TCEANC2: variants seen among roughly 807,000 people sequenced by gnomAD.
TCEANC2 encodes transcription elongation factor A N-terminal and central domain containing 2.
TCEANC2 carries 20 observed loss-of-function variants against 22.8 expected under a neutral mutation model. That is an observed-to-expected ratio of 0.88 (90% CI 0.62 to 1.28). TCEANC2 has a LOEUF of 1.28. Among genes scored for constraint, TCEANC2 ranks in the 50% most tolerant of loss-of-function variants. The probability of loss-of-function intolerance (pLI) is 0.00; values close to 1 mark genes in which losing one functional copy is unlikely to be tolerated. For missense variants in TCEANC2, 251 were observed against 249.7 expected, an observed-to-expected ratio of 1.01 and a Z score of -0.03; for synonymous variants, 84 against 95.5, an observed-to-expected ratio of 0.88 and a Z score of 0.70.
intron 4 of TCEANC2, among the ~76,000 whole-genome samples, chr1:54,095,636 G>A (rs528123803): frequency 6.6e-6 from 1 of 152,178 alleles, no homozygotes; most frequent in Non-Finnish European, 1.5e-5. Context: ...GGAAACTGTA[G>A]GCGTCTCTCC....
intron 2 of TCEANC2, among the ~76,000 whole-genome samples, chr1:54,055,754 AC>A (rs991322044): frequency 3.9e-5 from 6 of 152,154 alleles, no homozygotes; most frequent in Non-Finnish European, 7.4e-5. Context: ...GGCTTAGGAG[AC>A]CCATATTGGA....
intron 4 of TCEANC2, among the ~76,000 whole-genome samples, chr1:54,090,381 G>T (rs1402234550): frequency 2.0e-5 from 3 of 151,964 alleles, no homozygotes; most frequent in Non-Finnish European, 4.4e-5. Context: ...ATGAATGTTG[G>T]GCAAGTTATG....
intron 2 of TCEANC2, among the ~76,000 whole-genome samples, chr1:54,063,311 G>A (rs1176412158): frequency 6.6e-6 from 1 of 152,074 alleles, no homozygotes. Context: ...CAGGGTCTTA[G>A]ATGGAAAAAG....
intron 4 of TCEANC2, among the ~76,000 whole-genome samples, chr1:54,093,965 T>C (rs892618964): frequency 3.3e-5 from 5 of 152,226 alleles, no homozygotes; most frequent in Non-Finnish European, 7.3e-5. Flanking sequence ...GCTAGCCACC[T>C]TTCCAGCTTC....
chr1:54,088,753 A>G lies in TCEANC2; in HGVS notation c.401A>G (p.Asn134Ser), dbSNP rs773416554. The change falls in exon 4 of 5, where the codon AAT (asparagine) becomes AGT (serine). Residue 134 changes from asparagine (N) to serine (S), a missense_variant. Coordinates refer to ENST00000234827, the MANE Select transcript of TCEANC2 (RefSeq NM_153035.3). ...SDPKTESLRKNAQKLLSEALE... is the reference protein window; with the variant it reads ...SDPKTESLRKSAQKLLSEALE... Reference sequence around the variant, plus strand: ...CCCAAAACCGAGTCGTTGAGGAAAAATGCTCAGAAATTACTCTCAGAAGCC... The same window carrying G: ...CCCAAAACCGAGTCGTTGAGGAAAAGTGCTCAGAAATTACTCTCAGAAGCC... The G allele has an allele frequency of 3.8e-6, 6 of 1,599,824 alleles. No individual in the cohort carries two copies. The East Asian group carries it at 9.0e-5, about 24-fold the overall frequency.
chr1:54,060,906 C>G lies in TCEANC2; in HGVS notation c.102+6382C>G, dbSNP rs185987988. Among the ~76,000 whole-genome samples, 1,111 of 151,972 alleles carry G rather than the reference C, an allele frequency of 7.3e-3. 11 individuals carry two copies. Among genetic ancestry groups the G allele is most frequent in the African/African-American group, 0.026 (1,064 of 41,448 alleles). ...GAGGTTGCAGTGAGCCGAGATCATG[C>G]CACTGCACTCCAGCCTGGGTGACAG... On this transcript the variant is annotated intron_variant, in intron 2 of 4. Coordinates refer to ENST00000234827, the MANE Select transcript of TCEANC2 (RefSeq NM_153035.3).
intron 3 of TCEANC2, among the ~76,000 whole-genome samples, chr1:54,079,264 CT>C (rs1007786774): frequency 4.0e-4 from 61 of 152,224 alleles, no homozygotes; most frequent in African/African-American, 1.4e-3. Flanking sequence ...CTTGTTTGAT[CT>C]ATATAACAGC....
chr1:54,080,535 G>A (rs1322175241), intron 3 of TCEANC2, among the ~76,000 whole-genome samples: 2 of 152,102 alleles, frequency 1.3e-5, no homozygotes, highest in African/African-American at 4.8e-5. Flanking sequence ...TGCCCTTTTG[G>A]CCCTCCTTGG....
intron 4 of TCEANC2, among the ~76,000 whole-genome samples, chr1:54,091,418 T>C (rs1389437224): frequency 6.6e-6 from 1 of 152,196 alleles, no homozygotes; most frequent in Non-Finnish European, 1.5e-5. Context: ...CAGTAAAGCA[T>C]TGGGTTTAAG....
chr1:54,086,926 G>A (rs1282665599), intron 3 of TCEANC2, among the ~76,000 whole-genome samples: 1 of 152,162 alleles, frequency 6.6e-6, no homozygotes, highest in Non-Finnish European at 1.5e-5. Context: ...AGGAATCCTG[G>A]AGCATTAAGG....
chr1:54,093,963 C>T (rs1052582122), intron 4 of TCEANC2, among the ~76,000 whole-genome samples: 3 of 152,202 alleles, frequency 2.0e-5, no homozygotes, highest in Non-Finnish European at 4.4e-5. Flanking sequence ...CAGCTAGCCA[C>T]CTTTCCAGCT....
At chr1:54,072,612 G>C (rs375848646) in intron 3 of TCEANC2, among the ~76,000 whole-genome samples, 1 of 152,014 alleles carries the variant, frequency 6.6e-6, no homozygotes, top group Non-Finnish European at 1.5e-5. Context: ...GGTCAGGATG[G>C]TCTCGATCTC....
chr1:54,098,946 G>C lies in TCEANC2; in HGVS notation c.*2473G>C, dbSNP rs1304344729. 1 of 152,580 alleles carries C rather than the reference G, an allele frequency of 6.6e-6. No homozygotes were observed. Among genetic ancestry groups the C allele is most frequent in the African/African-American group, 2.4e-5 (1 of 41,476 alleles). The allele number at this position is 152,580 out of a possible 1,614,324, so 9.5% of individuals were successfully genotyped here. ...AGATATCTGGAAGGTGATTGGTATG[G>C]CTGGAGTAGAGGACACTGGCAGGAG... On this transcript the variant is annotated 3_prime_UTR_variant, in exon 5 of 5. Coordinates refer to ENST00000234827, the MANE Select transcript of TCEANC2 (RefSeq NM_153035.3).
chr1:54,082,448 T>C (rs1658264561), intron 3 of TCEANC2, among the ~76,000 whole-genome samples: 1 of 152,156 alleles, frequency 6.6e-6, no homozygotes, highest in African/African-American at 2.4e-5. Context: ...TCAGCAAACA[T>C]TTATGGATTG....
chr1:54,091,016 T>A (rs1658435740), intron 4 of TCEANC2, among the ~76,000 whole-genome samples: 1 of 152,256 alleles, frequency 6.6e-6, no homozygotes, highest in East Asian at 1.9e-4. Flanking sequence ...AAAGCAAAGT[T>A]AAAAAAGTGA....
In TCEANC2 at chr1:54,096,770, A is replaced by G; in HGVS notation, c.*297A>G. 9.0e-7 allele frequency: 1 copy of G among 1,106,332 alleles called. No individual in the cohort carries two copies. The allele number at this position is 1,106,332 out of a possible 1,614,324, so 68.5% of individuals were successfully genotyped here. A position where few individuals can be genotyped will look rare whatever the true frequency, so the allele number is the denominator to read the frequency against. On this transcript the variant is annotated 3_prime_UTR_variant, in exon 5 of 5. Transcript: ENST00000234827. The surrounding 1 kb of genome is among the most constrained non-coding windows in gnomAD (Gnocchi z 4.9). ...TGAAAGGGTGATGGATTTCACTGTG[A>G]ATATGCCAAGGACACCTCTAAACTT...
intron 4 of TCEANC2, among the ~76,000 whole-genome samples, chr1:54,095,788 G>A (rs1570025825): frequency 6.6e-6 from 1 of 152,294 alleles, no homozygotes. Flanking sequence ...CTTTGCCTTT[G>A]AACCTATTTC....
intron 3 of TCEANC2, among the ~76,000 whole-genome samples, chr1:54,081,001 C>T (rs2100373827): frequency 6.6e-6 from 1 of 152,314 alleles, no homozygotes; most frequent in South Asian, 2.1e-4. Flanking sequence ...ACTATCTGAT[C>T]ACCAGAGGGA....
Position 54,065,523 on chromosome 1 carries a change from G to C in TCEANC2, c.103-3233G>C, listed in dbSNP as rs138259924. On this transcript the variant is annotated intron_variant, in intron 2 of 4. Coordinates refer to ENST00000234827, the MANE Select transcript of TCEANC2 (RefSeq NM_153035.3). ...ACTTGAGCCCAGGAGTTCAAGACCA[G>C]CCTGGGCAACATAGTGAGACCCCAC... Among the ~76,000 whole-genome samples, 456 of 152,126 alleles carry C rather than the reference G, an allele frequency of 3.0e-3. 2 individuals carry two copies. Among genetic ancestry groups the C allele is most frequent in the Non-Finnish European group, 3.9e-3 (268 of 67,986 alleles).
Sources: allele counts gnomAD v4.1 joint callset (sites outside exome capture counted in the v4.1 genomes callset), GRCh38; gene constraint gnomAD v4.1.1; non-coding constraint Gnocchi (gnomAD v3.1); transcripts MANE v1.5; gene names NCBI Gene and HGNC (gene_info 2026-07-23, HGNC 2026-07-21).